GRIP1: variants seen among roughly 807,000 people sequenced by gnomAD.
The protein encoded by GRIP1 is glutamate receptor interacting protein 1.
GRIP1 carries 45 observed loss-of-function variants against 129.9 expected under a neutral mutation model. The ratio of observed to expected loss-of-function variants is 0.35; its 90% CI spans 0.27 to 0.44. The LOEUF is 0.44. GRIP1 is among the 20% of genes least tolerant of loss of function. GRIP1 has a pLI of 1.00. For missense variants in GRIP1, 1,196 were observed against 1,396.8 expected (o/e 0.86, Z 2.29); for synonymous variants, 530 against 520.8 (o/e 1.02, Z -0.24).
At chr12:66,605,958 T>C (rs1329866969) in intron 1 of GRIP1, among the ~76,000 whole-genome samples, 1 of 152,196 alleles carries the variant, frequency 6.6e-6, no homozygotes, top group Non-Finnish European at 1.5e-5. Flanking sequence ...AGTAACATTT[T>C]GGAGCTAAGA....
At chr12:67,009,698 C>T (rs1185325510) in intron 1 of GRIP1, among the ~76,000 whole-genome samples, 1 of 152,110 alleles carries the variant, frequency 6.6e-6, no homozygotes, top group African/African-American at 2.4e-5. Context: ...CCTGTTAATC[C>T]TCATCCAAGA....
intron 1 of GRIP1, among the ~76,000 whole-genome samples, chr12:67,008,360 C>T (rs975688622): frequency 2.6e-5 from 4 of 152,048 alleles, no homozygotes; most frequent in African/African-American, 4.8e-5. Context: ...ATCCATCCAC[C>T]ATATTGCATG....
intron 1 of GRIP1, among the ~76,000 whole-genome samples, chr12:66,771,461 C>T (rs1281899027): frequency 1.3e-5 from 2 of 152,084 alleles, no homozygotes; most frequent in East Asian, 3.9e-4. Context: ...AAAATCAAAC[C>T]ATTGAGTACA....
intron 19 of GRIP1, among the ~76,000 whole-genome samples, chr12:66,383,295 TCAAAAACAA>T (rs1317116938): frequency 1.1e-4 from 11 of 100,916 alleles, no homozygotes; most frequent in African/African-American, 3.5e-4. Flanking sequence ...ACACTCTGTC[TCAAAAACAA>T]CAACAACAAC....
At chr12:66,872,905 T>C (rs1592919426) in intron 1 of GRIP1, among the ~76,000 whole-genome samples, 1 of 152,080 alleles carries the variant, frequency 6.6e-6, no homozygotes, top group South Asian at 2.1e-4. Flanking sequence ...AGAGGACATA[T>C]GTTCTTTCTG....
At chr12:67,005,087 A>T (rs1304121614) in intron 1 of GRIP1, among the ~76,000 whole-genome samples, 1 of 152,176 alleles carries the variant, frequency 6.6e-6, no homozygotes, top group East Asian at 1.9e-4. Context: ...ATATGAAATA[A>T]CTTTTACCTT....
chr12:67,046,301 T>G (rs1460490557), intron 1 of GRIP1, among the ~76,000 whole-genome samples: 1 of 152,068 alleles, frequency 6.6e-6, no homozygotes, highest in Non-Finnish European at 1.5e-5. Context: ...CCATGTGACC[T>G]CAGGAAGATC....
upstream of GRIP1, among the ~76,000 whole-genome samples, chr12:66,682,146 T>G (rs11176374): frequency 0.02 from 2,974 of 152,204 alleles, 103 homozygotes; most frequent in African/African-American, 0.068. Flanking sequence ...AAATGTGATC[T>G]AGTTTACAGG....
intron 7 of GRIP1, among the ~76,000 whole-genome samples, chr12:66,513,843 G>A (rs1476740143): frequency 2.0e-5 from 3 of 152,132 alleles, no homozygotes; most frequent in Non-Finnish European, 4.4e-5. Context: ...ATTCCCTCCT[G>A]ACCCTGGCAA....
intron 1 of GRIP1, among the ~76,000 whole-genome samples, chr12:66,911,818 AAC>A (rs1331336165): frequency 1.3e-5 from 2 of 152,196 alleles, no homozygotes; most frequent in Non-Finnish European, 2.9e-5. Flanking sequence ...ATCCCTTATT[AAC>A]AATACTTAGT....
intron 7 of GRIP1, among the ~76,000 whole-genome samples, chr12:66,477,374 A>G (rs2059650584): frequency 6.6e-6 from 1 of 151,908 alleles, no homozygotes; most frequent in Non-Finnish European, 1.5e-5. Context: ...CAATGAAATA[A>G]AAGAGGATAC....
intron 11 of GRIP1, among the ~76,000 whole-genome samples, chr12:66,448,951 T>C (rs978243608): frequency 2.0e-5 from 3 of 152,164 alleles, no homozygotes; most frequent in African/African-American, 4.8e-5. Flanking sequence ...CTCCTGCCCA[T>C]CCACTCTCCT....
At chr12:66,660,864 A>C (rs1293033746) in intron 1 of GRIP1, among the ~76,000 whole-genome samples, 3 of 152,030 alleles carry the variant, frequency 2.0e-5, no homozygotes, top group Non-Finnish European at 2.9e-5. Flanking sequence ...GCATCCAATA[A>C]ATTTGTGTGT....
chr12:67,041,327 T>C (rs1164035709), intron 1 of GRIP1, among the ~76,000 whole-genome samples: 1 of 150,710 alleles, frequency 6.6e-6, no homozygotes, highest in Non-Finnish European at 1.5e-5. Flanking sequence ...CACGTGTGTA[T>C]GTGTGTGTGT....
intron 1 of GRIP1, among the ~76,000 whole-genome samples, chr12:66,636,131 AT>A (rs1310110657): frequency 1.3e-5 from 2 of 152,218 alleles, no homozygotes; most frequent in Non-Finnish European, 2.9e-5. Flanking sequence ...TGATGACATT[AT>A]GCTAAGTGAA....
At chr12:66,506,170 T>C (rs1048033782) in intron 7 of GRIP1, among the ~76,000 whole-genome samples, 1 of 152,170 alleles carries the variant, frequency 6.6e-6, no homozygotes, top group African/African-American at 2.4e-5. Context: ...ACCTAAGGCC[T>C]AGCAATTCCA....
intron 1 of GRIP1, among the ~76,000 whole-genome samples, chr12:67,026,864 T>A (rs552431765): frequency 4.4e-4 from 67 of 152,218 alleles, no homozygotes; most frequent in Non-Finnish European, 7.6e-4. Flanking sequence ...CCTAATAGAG[T>A]TGTGCAGAAT....
At chr12:66,395,983 C>T (rs1012299013) in intron 16 of GRIP1, among the ~76,000 whole-genome samples, 1 of 152,150 alleles carries the variant, frequency 6.6e-6, no homozygotes, top group African/African-American at 2.4e-5. Flanking sequence ...GATATTTTGT[C>T]ACCTTTCAGA....
chr12:67,066,074 G>A (rs1025499879), intron 1 of GRIP1, among the ~76,000 whole-genome samples: 1 of 152,156 alleles, frequency 6.6e-6, no homozygotes, highest in Non-Finnish European at 1.5e-5. Flanking sequence ...GTCTTAACAT[G>A]TCATTTTGGA....
Sources: gnomAD v4.1 joint callset for allele counts (sites outside exome capture counted in the v4.1 genomes callset) on GRCh38, gnomAD v4.1.1 for gene constraint, MANE v1.5 for transcripts, NCBI Gene and HGNC (gene_info 2026-07-23, HGNC 2026-07-21) for gene names.